PDE1C: variants seen among roughly 807,000 people sequenced by gnomAD.
PDE1C encodes the protein dual specificity calcium/calmodulin-dependent 3',5'-cyclic nucleotide phosphodiesterase 1C.
In PDE1C, 62 loss-of-function variants were observed where a neutral mutation model predicts 93.1. That is an observed-to-expected ratio of 0.67 (90% CI 0.54 to 0.82). The LOEUF (loss-of-function observed/expected upper bound fraction) is 0.82. Ranked by LOEUF, PDE1C falls within the 40% of genes least tolerant of loss-of-function variation. The pLI is 0.00. For missense variants in PDE1C, 742 were observed against 884.6 expected (o/e 0.84, Z 2.04); for synonymous variants, 325 against 310.1 (o/e 1.05, Z -0.50).
At chr7:31,856,330 G>C (rs547061996) in intron 7 of PDE1C, among the ~76,000 whole-genome samples, 6 of 152,196 alleles carry the variant, frequency 3.9e-5, no homozygotes, top group Non-Finnish European at 5.9e-5. Flanking sequence ...AGAGTAGGTA[G>C]GAAATAGTTT....
intron 2 of PDE1C, among the ~76,000 whole-genome samples, chr7:31,929,062 T>C (rs1803816145): frequency 6.6e-6 from 1 of 151,426 alleles, no homozygotes; most frequent in East Asian, 1.9e-4. Flanking sequence ...AAGACACATA[T>C]AGGCTCAAAA....
intron 3 of PDE1C, among the ~76,000 whole-genome samples, chr7:32,101,572 C>A (rs1411435081): frequency 1.3e-5 from 2 of 152,130 alleles, no homozygotes; most frequent in African/African-American, 4.8e-5. Flanking sequence ...CCTTATACAA[C>A]CTCTCCTGCT....
chr7:31,988,958 G>A (rs558533671), intron 2 of PDE1C, among the ~76,000 whole-genome samples: 2 of 125,380 alleles, frequency 1.6e-5, no homozygotes, highest in South Asian at 5.2e-4. Context: ...TTAAACCATT[G>A]CACTCCAGCC....
At chr7:32,269,837 A>G (rs1284994318) in intron 1 of PDE1C, among the ~76,000 whole-genome samples, 1 of 152,168 alleles carries the variant, frequency 6.6e-6, no homozygotes, top group East Asian at 1.9e-4. Flanking sequence ...GCAATGGTGT[A>G]GTCCTAGCTC....
intron 2 of PDE1C, among the ~76,000 whole-genome samples, chr7:31,937,022 T>C (rs574090270): frequency 1.3e-5 from 2 of 152,254 alleles, no homozygotes; most frequent in East Asian, 1.9e-4. Flanking sequence ...TTCCAGGTCA[T>C]AGGTAAATTC....
chr7:31,915,737 T>C (rs1801810023), intron 2 of PDE1C, among the ~76,000 whole-genome samples: 1 of 152,212 alleles, frequency 6.6e-6, no homozygotes, highest in Non-Finnish European at 1.5e-5. Context: ...CATGCTTATG[T>C]AAATGTTATT....
In PDE1C at chr7:31,828,360, G is replaced by C; in HGVS notation, c.1217C>G (p.Ala406Gly). ...AGGAGAAAAAGGCAGCCCCAGCTCT[G>C]CTTCTCTGTCACCCTGGAAAAATAA... Reference protein sequence around the residue: ...EEFFRQGDREAELGLPFSPLC... With the variant: ...EEFFRQGDREGELGLPFSPLC... Residue 406 changes from alanine (A) to glycine (G), a missense_variant, in exon 12 of 18, where the codon GCA becomes GGA. Physicochemically the swap from Ala to Gly is moderately conservative, Grantham distance 60 (BLOSUM62 0). This residue lies in a region of PDE1C where 454 missense variants were observed against 459.4 expected (regional missense o/e 0.99). Transcript: ENST00000396191. 1 of 1,612,258 alleles carries C rather than the reference G, an allele frequency of 6.2e-7. No individual in the cohort carries two copies. Among genetic ancestry groups the C allele is most frequent in the Non-Finnish European group, 8.5e-7 (1 of 1,178,726 alleles).
At chr7:32,032,234 G>A (rs1445783988) in intron 2 of PDE1C, among the ~76,000 whole-genome samples, 1 of 152,178 alleles carries the variant, frequency 6.6e-6, no homozygotes, top group Admixed American at 6.5e-5. Flanking sequence ...AGAAGAGGCT[G>A]CCTCAAAGGT....
At chr7:31,900,140 C>G (rs112376680) in intron 2 of PDE1C, among the ~76,000 whole-genome samples, 1 of 152,196 alleles carries the variant, frequency 6.6e-6, no homozygotes, top group African/African-American at 2.4e-5. Flanking sequence ...AAGAAATGTT[C>G]AAAAGTAGAA....
At chr7:32,149,246 A>G (rs1801092606) in intron 3 of PDE1C, among the ~76,000 whole-genome samples, 1 of 152,240 alleles carries the variant, frequency 6.6e-6, no homozygotes, top group Non-Finnish European at 1.5e-5. Flanking sequence ...TTATGCTTCT[A>G]TTAGGGGAAG....
chr7:32,404,728 G>C (rs891631245), intron 1 of PDE1C, among the ~76,000 whole-genome samples: 1 of 152,074 alleles, frequency 6.6e-6, no homozygotes, highest in African/African-American at 2.4e-5. Flanking sequence ...CGTGTGGGGT[G>C]GGGGTACACC....
chr7:31,785,866 T>C (rs1332522850), intron 16 of PDE1C: 2 of 152,182 alleles, frequency 1.3e-5, no homozygotes, highest in African/African-American at 4.8e-5. Context: ...GTAATATGTC[T>C]CTTGATACCC....
chr7:31,970,777 G>A (rs904751185), intron 2 of PDE1C, among the ~76,000 whole-genome samples: 7 of 152,212 alleles, frequency 4.6e-5, no homozygotes. Context: ...CTGCTAAGGA[G>A]GAAAATATCC....
At chr7:31,826,414 G>A (rs1207929567) in intron 12 of PDE1C, among the ~76,000 whole-genome samples, 2 of 152,170 alleles carry the variant, frequency 1.3e-5, no homozygotes, top group East Asian at 3.9e-4. Context: ...AATTGTGTAT[G>A]TGTAGTATGT....
intron 1 of PDE1C, among the ~76,000 whole-genome samples, chr7:32,384,173 A>G (rs1031592365): frequency 2.0e-5 from 3 of 152,150 alleles, no homozygotes; most frequent in African/African-American, 7.2e-5. Context: ...ACTGAGTGTC[A>G]TTTTGTGGCA....
chr7:31,782,533 T>C (rs1360487122), intron 16 of PDE1C, among the ~76,000 whole-genome samples: 3 of 152,198 alleles, frequency 2.0e-5, no homozygotes, highest in Non-Finnish European at 4.4e-5. Flanking sequence ...AATAATACCA[T>C]GCGAAACGAT....
chr7:32,207,265 C>G (rs1805644396), intron 2 of PDE1C, among the ~76,000 whole-genome samples: 1 of 151,994 alleles, frequency 6.6e-6, no homozygotes, highest in African/African-American at 2.4e-5. Context: ...CCCCGTCGTG[C>G]CTGATTCCGT....
chr7:31,923,985 C>G (rs1208053560), intron 2 of PDE1C, among the ~76,000 whole-genome samples: 1 of 152,084 alleles, frequency 6.6e-6, no homozygotes, highest in Non-Finnish European at 1.5e-5. Flanking sequence ...TTTTTCTATT[C>G]AAGATCTCAT....
chr7:31,790,254 G>A, intron 16 of PDE1C: 3 of 1,611,998 alleles, frequency 1.9e-6, no homozygotes, highest in Non-Finnish European at 2.5e-6. Flanking sequence ...TTTTACTCTT[G>A]TGAATCTGAA....
Sources: gnomAD v4.1 joint callset for allele counts (sites outside exome capture counted in the v4.1 genomes callset) on GRCh38, gnomAD v4.1.1 for gene constraint, gnomAD v4.1.1 regional missense constraint, MANE v1.5 for transcripts, NCBI Gene and HGNC (gene_info 2026-07-23, HGNC 2026-07-21) for gene names.